Variants in GNG2 observed in about 807,000 individuals in gnomAD.
GNG2 encodes G protein subunit gamma 2.
Under a neutral mutation model 5.5 loss-of-function variants are expected in GNG2, and 5 were observed. That is an observed-to-expected ratio of 0.91 (90% confidence interval 0.48 to 1.92). GNG2 has a LOEUF of 1.92. Among genes scored for constraint, GNG2 ranks in the 30% most tolerant of loss-of-function variants. The probability of loss-of-function intolerance (pLI) is 0.01; values close to 1 mark genes in which losing one functional copy is unlikely to be tolerated. For missense variants in GNG2, 55 were observed against 88.4 expected (o/e 0.62, Z 1.52); for synonymous variants, 28 against 32.0 (o/e 0.88, Z 0.42).
At chr14:51,863,288 C>T (rs1447642162) in intron 1 of GNG2, among the ~76,000 whole-genome samples, 2 of 152,206 alleles carry the variant, frequency 1.3e-5, no homozygotes, top group East Asian at 3.8e-4. Flanking sequence ...TACTACTTAC[C>T]TTGGTACATT....
chr14:51,897,081 G>A (rs1885240790), intron 2 of GNG2, among the ~76,000 whole-genome samples: 1 of 152,208 alleles, frequency 6.6e-6, no homozygotes, highest in Non-Finnish European at 1.5e-5. Context: ...GTCTCTTTGG[G>A]TGGCGTCCTT....
intron 2 of GNG2, among the ~76,000 whole-genome samples, chr14:51,889,689 T>C (rs1884717310): frequency 1.3e-5 from 2 of 152,330 alleles, no homozygotes; most frequent in South Asian, 4.1e-4. Context: ...TGCACCTATA[T>C]TTCCAGGTGT....
Position 51,860,662 on chromosome 14 carries a change from G to A in GNG2, c.-199G>A. On this transcript the variant is annotated 5_prime_UTR_variant, in exon 1 of 4. Coordinates refer to ENST00000556766, the MANE Select transcript of GNG2 (RefSeq NM_053064.5). ...CACATACTCACAACGCTGCCGCCGC[G>A]CTCCGTGGGCAACTCCTACTACTGC... The A allele has an allele frequency of 6.5e-6, 1 of 153,156 alleles. No individual in the cohort carries two copies. Among genetic ancestry groups the A allele is most frequent in the Non-Finnish European group, 1.5e-5 (1 of 68,732 alleles). 9.5% of individuals were successfully genotyped at this position (153,156 alleles called of 1,614,324 possible). A position where few individuals can be genotyped will look rare whatever the true frequency, so the allele number is the denominator to read the frequency against.
chr14:51,956,764 T>C (rs1294184454), intron 3 of GNG2, among the ~76,000 whole-genome samples: 1 of 152,206 alleles, frequency 6.6e-6, no homozygotes, highest in African/African-American at 2.4e-5. Flanking sequence ...TGCTTATTTT[T>C]TGCCTGATGG....
intron 2 of GNG2, among the ~76,000 whole-genome samples, chr14:51,930,763 G>A (rs1454718978): frequency 6.6e-6 from 1 of 152,192 alleles, no homozygotes; most frequent in Non-Finnish European, 1.5e-5. Context: ...GCCAGTATCT[G>A]CTTCTTGTGA....
intron 3 of GNG2, among the ~76,000 whole-genome samples, chr14:51,963,546 T>C (rs566325762): frequency 6.6e-6 from 1 of 152,340 alleles, no homozygotes; most frequent in Admixed American, 6.5e-5. Flanking sequence ...TTTGTTTTCA[T>C]GTGGGAGAGC....
At chr14:51,905,491 C>G (rs1237692450) in intron 2 of GNG2, among the ~76,000 whole-genome samples, 1 of 152,112 alleles carries the variant, frequency 6.6e-6, no homozygotes, top group African/African-American at 2.4e-5. Flanking sequence ...TCTGACCATA[C>G]CTTTAGATTA....
chr14:51,875,947 C>CTTTTTTTTTTTTTTT (rs10529707), intron 1 of GNG2, among the ~76,000 whole-genome samples: 2 of 141,120 alleles, frequency 1.4e-5, no homozygotes, highest in African/African-American at 2.7e-5. Flanking sequence ...ACATTTTTTT[C>CTTTTTTTTTTTTTTT]TTTTTTCCGA....
chr14:51,953,388 C>T (rs56132887), intron 3 of GNG2, among the ~76,000 whole-genome samples: 11,755 of 152,162 alleles, frequency 0.077, 1,051 homozygotes, highest in African/African-American at 0.21. Context: ...CTATTATTGA[C>T]GCAAACAAGA....
intron 2 of GNG2, among the ~76,000 whole-genome samples, chr14:51,883,023 G>GAAAAAAAAAAAAAAAA (rs777193660): frequency 7.9e-6 from 1 of 127,222 alleles, no homozygotes. Context: ...AAAAAAAAAA[G>GAAAAAAAAAAAAAAAA]AAAAAAAAAA....
intron 2 of GNG2, chr14:51,913,472 T>A (rs1192875611): frequency 6.6e-6 from 1 of 152,364 alleles, no homozygotes; most frequent in Admixed American, 6.6e-5. Context: ...TAAGGTCGTA[T>A]CACTGCACTC....
At chr14:51,962,188 G>A (rs1016657312) in intron 3 of GNG2, among the ~76,000 whole-genome samples, 4 of 132,578 alleles carry the variant, frequency 3.0e-5, no homozygotes, top group Non-Finnish European at 6.4e-5. Flanking sequence ...GAATATTTTT[G>A]TAAAACATTT....
At chr14:51,847,123 A>G (rs1366378966) in intron 2 of GNG2, 1 of 152,250 alleles carries the variant, frequency 6.6e-6, no homozygotes, top group East Asian at 1.9e-4. Flanking sequence ...ATCAACAACA[A>G]CAACAAACGC....
intron 1 of GNG2, among the ~76,000 whole-genome samples, chr14:51,875,143 T>C (rs1883572261): frequency 6.6e-6 from 1 of 152,222 alleles, no homozygotes; most frequent in South Asian, 2.1e-4. Context: ...AATCCGGACG[T>C]GGATGGCCCA....
At chr14:51,843,154 T>C (rs1056547815) in intron 2 of GNG2, among the ~76,000 whole-genome samples, 10 of 152,318 alleles carry the variant, frequency 6.6e-5, no homozygotes, top group Middle Eastern at 3.4e-3. Flanking sequence ...CCGTAAATCA[T>C]AGGAAAGGTC....
chr14:51,880,074 A>C (rs1326210750), intron 2 of GNG2, among the ~76,000 whole-genome samples: 2 of 152,228 alleles, frequency 1.3e-5, no homozygotes, highest in East Asian at 3.8e-4. Context: ...AGGTCCAGGT[A>C]CTGAAGACTT....
chr14:51,827,773 A>C, exon 2 of GNG2: 2 of 699,500 alleles, frequency 2.9e-6, no homozygotes, highest in African/African-American at 3.5e-5. Context: ...CTCCAATGGA[A>C]AGAGAAGCAA....
At chr14:51,850,328 T>G (rs1471556580) in intron 2 of GNG2, among the ~76,000 whole-genome samples, 2 of 152,158 alleles carry the variant, frequency 1.3e-5, no homozygotes, top group Non-Finnish European at 2.9e-5. Context: ...GAGTTCTCTT[T>G]GCGGCAATCT....
chr14:51,836,856 CTT>C (rs369095215), intron 2 of GNG2, among the ~76,000 whole-genome samples: 57,089 of 129,472 alleles, frequency 0.44, 11,782 homozygotes, highest in Middle Eastern at 0.54. Context: ...GTGACTTCAT[CTT>C]TTTTTTTTTT....
Sources: allele counts gnomAD v4.1 joint callset (sites outside exome capture counted in the v4.1 genomes callset), GRCh38; gene constraint gnomAD v4.1.1; transcripts MANE v1.5; gene names NCBI Gene and HGNC (gene_info 2026-07-23, HGNC 2026-07-21).